ARID1A: variants seen among roughly 807,000 people sequenced by gnomAD.
ARID1A encodes the protein AT-rich interactive domain-containing protein 1A.
Under a neutral mutation model 212.6 loss-of-function variants are expected in ARID1A, and 20 were observed. The ratio of observed to expected loss-of-function variants is 0.09; its 90% CI spans 0.07 to 0.14. The LOEUF is 0.14. Ranked by LOEUF, ARID1A falls within the 10% of genes least tolerant of loss-of-function variation. The probability of loss-of-function intolerance (pLI) is 1.00; values close to 1 mark genes in which losing one functional copy is unlikely to be tolerated. For synonymous variants in ARID1A, 1,376 were observed against 1,222.1 expected, an observed-to-expected ratio of 1.13 and a Z score of -2.63; for missense variants, 2,587 against 3,059.0, an observed-to-expected ratio of 0.85 and a Z score of 3.64.
Position 26,774,462 on chromosome 1 carries a change from C to G in ARID1A, c.4235C>G (p.Pro1412Arg), listed in dbSNP as rs2081114727. The G allele has an allele frequency of 1.2e-6, 2 of 1,613,822 alleles. No homozygotes were observed. Among genetic ancestry groups the G allele is most frequent in the Non-Finnish European group, 1.7e-6 (2 of 1,179,860 alleles). The change falls in exon 18 of 20, where the codon CCT (proline) becomes CGT (arginine). Residue 1412 changes from proline to arginine, a missense_variant. Transcript: ENST00000324856. This position sits in a 1 kb window ranked among gnomAD's most constrained non-coding sequence, Gnocchi z 5.6. ...CAGTTGCCCCCAGCCCAGCCCCAGC[C>G]TGCCAGCCAGCAACAAGCTGCCCAG... is the stretch of plus-strand genomic sequence containing the variant. ...QQQLPPAQPQ[P>R]ASQQQAAQPS... is the part of the protein sequence containing the mutation.
intron 4 of ARID1A, among the ~76,000 whole-genome samples, chr1:26,757,240 C>T (rs2080948591): frequency 6.9e-6 from 1 of 144,816 alleles, no homozygotes; most frequent in East Asian, 2.1e-4. Flanking sequence ...AATGCTGAGG[C>T]GAGCGGATGG....
Position 26,775,677 on chromosome 1 carries a change from C to T in ARID1A, c.5094C>T (p.Asp1698=), listed in dbSNP as rs754255083. 23 of 1,614,208 alleles carry T rather than the reference C, an allele frequency of 1.4e-5. No homozygotes were observed. The South Asian group carries it at 2.4e-4, about 17-fold the overall frequency. The change falls in exon 19 of 20, where the codon GAC becomes GAT. Residue 1698 remains aspartate, a synonymous_variant. Transcript: ENST00000324856. ...LDTINILLYD[D]NSIMTFNLSQ... ...CCATCAACATCCTGCTGTATGATGA[C>T]AACAGCATCATGACCTTCAACCTCA...
At chr1:26,698,480 T>C (rs913196343) in intron 1 of ARID1A, among the ~76,000 whole-genome samples, 4 of 152,234 alleles carry the variant, frequency 2.6e-5, no homozygotes, top group African/African-American at 7.2e-5. Context: ...GTAGCAATAC[T>C]GTATCAGCAA....
At chr1:26,749,573 A>C (rs550954807) in intron 4 of ARID1A, among the ~76,000 whole-genome samples, 1 of 152,124 alleles carries the variant, frequency 6.6e-6, no homozygotes, top group South Asian at 2.1e-4. Flanking sequence ...TCTTCTCCCC[A>C]CCTTTTTACC....
Position 26,772,610 on chromosome 1 carries a change from A to G in ARID1A, c.3517A>G (p.Ile1173Val). 1 of 1,614,170 alleles carries G rather than the reference A, an allele frequency of 6.2e-7. No individual in the cohort carries two copies. Among genetic ancestry groups the G allele is most frequent in the East Asian group, 2.2e-5 (1 of 44,880 alleles). ...TCCAGCATCCACACCACACAGTCAG[A>G]TCCCCCCATTGCCAGGCATGAGGTA... Reference protein sequence around the residue: ...PTPASTPHSQIPPLPGMSRSN... With the variant: ...PTPASTPHSQVPPLPGMSRSN... Residue 1173 changes from isoleucine (I) to valine (V), a missense_variant, in exon 13 of 20, where the codon ATC (isoleucine) becomes GTC (valine). Ile to Val is a conservative substitution (Grantham distance 29, BLOSUM62 3). Around this residue, in one of 11 missense-constraint regions of ARID1A, gnomAD observed 890 missense variants for 1,098.2 expected, o/e 0.81. Coordinates refer to ENST00000324856, the MANE Select transcript of ARID1A (RefSeq NM_006015.6).
At chr1:26,754,673 C>G (rs1221758224) in intron 4 of ARID1A, among the ~76,000 whole-genome samples, 2 of 152,218 alleles carry the variant, frequency 1.3e-5, no homozygotes, top group African/African-American at 2.4e-5. Flanking sequence ...CCTTTCTCCT[C>G]AGTTCATATA....
chr1:26,730,889 C>G (rs1223163648), intron 2 of ARID1A, among the ~76,000 whole-genome samples: 1 of 152,184 alleles, frequency 6.6e-6, no homozygotes, highest in Non-Finnish European at 1.5e-5. Flanking sequence ...TGCTCTCAAA[C>G]TTATGTTGCC....
intron 12 of ARID1A, chr1:26,772,241 C>CA (rs895434377): frequency 5.0e-5 from 25 of 498,026 alleles, no homozygotes; most frequent in Non-Finnish European, 8.3e-5. Context: ...GGCAATGACT[C>CA]AGGGAATCAC....
At position 26,772,947 on chromosome 1, in the gene ARID1A, C is replaced by T. The variant is rs2081096764; in HGVS notation, c.3675C>T (p.Ser1225=). ...CCTCTGACATGATGGGGCGCATGTCCTATGAGCCAAATAAGGATCCTTATG... is the reference window on the plus strand; with the variant it reads ...CCTCTGACATGATGGGGCGCATGTCTTATGAGCCAAATAAGGATCCTTATG... The part of the protein sequence containing the change: ...MNTSDMMGRM[S]YEPNKDPYGS... The change falls in exon 14 of 20, where the codon TCC becomes TCT. Residue 1225 remains serine, a synonymous_variant. Transcript: ENST00000324856. The T allele has an allele frequency of 1.2e-6, 2 of 1,613,644 alleles. No homozygotes were observed. The highest frequency in any genetic ancestry group is 1.7e-6 in the Non-Finnish European group (2 of 1,179,686).
intron 17 of ARID1A, 39 bp downstream of exon 17, chr1:26,773,937 C>T (rs753485261): frequency 1.3e-5 from 21 of 1,596,268 alleles, no homozygotes; most frequent in East Asian, 8.9e-5. Context: ...CATGCAGGTT[C>T]GCCTTGAAAA....
At chr1:26,746,666 G>C (rs1335015462) in intron 4 of ARID1A, among the ~76,000 whole-genome samples, 1 of 152,144 alleles carries the variant, frequency 6.6e-6, no homozygotes, top group East Asian at 1.9e-4. Context: ...GGCCGAGGTA[G>C]GTGGATCACA....
At chr1:26,773,243 C>G in intron 14 of ARID1A, 103 bp from the exon 15 acceptor site, 2 of 1,449,306 alleles carry the variant, frequency 1.4e-6, no homozygotes, top group Non-Finnish European at 1.9e-6. Flanking sequence ...GTCTGGAAAA[C>G]AATGAGATCA....
At chr1:26,702,056 G>A (rs929647758) in intron 1 of ARID1A, among the ~76,000 whole-genome samples, 3 of 152,158 alleles carry the variant, frequency 2.0e-5, no homozygotes, top group African/African-American at 7.2e-5. Flanking sequence ...TTGGGGAGGG[G>A]TAGGGAGAGA....
Position 26,774,936 on chromosome 1 carries a change from C to G in ARID1A, c.4709C>G (p.Ser1570Cys), listed in dbSNP as rs2124121687. 1 of 1,026,592 alleles carries G rather than the reference C, an allele frequency of 9.7e-7. No individual in the cohort carries two copies. The highest frequency in any genetic ancestry group is 1.3e-6 in the Non-Finnish European group (1 of 747,558). The allele number at this position is 1,026,592 out of a possible 1,614,324, so 63.6% of individuals were successfully genotyped here. ...PVPPMTRPPP[S>C]NYQPPPSMQN... ...CCCCCCATGACAAGGCCCCCTCCATCTAACTACCAGCCCCCACCAAGCATG... is the reference window on the plus strand; with the variant it reads ...CCCCCCATGACAAGGCCCCCTCCATGTAACTACCAGCCCCCACCAAGCATG... The change falls in exon 18 of 20, where the codon TCT becomes TGT. Residue 1570 changes from serine (S) to cysteine (C), a missense_variant. Transcript: ENST00000324856. The surrounding 1 kb of genome is among the most constrained non-coding windows in gnomAD (Gnocchi z 5.6).
rs2080253801 is a variant in ARID1A at position 26,696,450 on chromosome 1, C to T, written c.47C>T (p.Pro16Leu). 8.1e-7 allele frequency: 1 copy of T among 1,233,272 alleles called. No homozygotes were observed. The highest frequency in any genetic ancestry group is 3.5e-5 in the East Asian group (1 of 28,600). 76.4% of individuals were successfully genotyped at this position (1,233,272 alleles called of 1,614,324 possible). ...GCCGCCGCCAGCAGCCTGGGCAACCCGCCGCCGCCGCCGCCCTCGGAGCTG... is the reference window on the plus strand; with the variant it reads ...GCCGCCGCCAGCAGCCTGGGCAACCTGCCGCCGCCGCCGCCCTCGGAGCTG... ...APAAASSLGN[P>L]PPPPPSELKK... is the part of the protein sequence containing the mutation. Residue 16 changes from proline (P) to leucine (L), a missense_variant, in exon 1 of 20, where the codon CCG becomes CTG. Pro to Leu is a moderately conservative substitution (Grantham distance 98). Transcript: ENST00000324856.
rs2124790599 is a variant in ARID1A at position 26,731,604 on chromosome 1, G to A, written c.1803G>A (p.Gln601=). 6.2e-7 allele frequency: 1 copy of A among 1,613,024 alleles called. No individual in the cohort carries two copies. The highest frequency in any genetic ancestry group is 1.1e-5 in the South Asian group (1 of 91,042). Residue 601 remains glutamine, a splice_region_variant and synonymous_variant, in exon 3 of 20, where the codon CAG becomes CAA. Transcript: ENST00000324856. ...AYSQQRFPPP[Q]ELSQDSFGSQ... is the part of the protein sequence containing the mutation. ...CCCAGCAGCGCTTCCCTCCACCGCA[G>A]GTAAGATATCCCTGCCTCCTGCCCT...
At chr1:26,776,041 G>A (rs1352639188) in intron 19 of ARID1A, 15 of 397,684 alleles carry the variant, frequency 3.8e-5, no homozygotes, top group African/African-American at 6.2e-5. Context: ...TAATAGAGAC[G>A]AGGTCTCACT....
intron 1 of ARID1A, among the ~76,000 whole-genome samples, chr1:26,704,853 T>C (rs2080373043): frequency 6.6e-6 from 1 of 150,582 alleles, no homozygotes. Flanking sequence ...AGCCAAGACC[T>C]TGTCTCAAAA....
In ARID1A at chr1:26,771,528, T is replaced by G. The variant is rs968331694; in HGVS notation, c.3406+202T>G. On this transcript the variant is annotated intron_variant, in intron 12 of 19. Coordinates refer to ENST00000324856, the MANE Select transcript of ARID1A (RefSeq NM_006015.6). This position sits in a 1 kb window ranked among gnomAD's most constrained non-coding sequence, Gnocchi z 5.4. ...TTGGGAGGTACTCTACGGCAGCTCT[T>G]AAGTTTTAATTTTTGTTGTGCAGCT... 22 of 594,178 alleles carry G rather than the reference T, an allele frequency of 3.7e-5. No homozygotes were observed. Among genetic ancestry groups the G allele is most frequent in the East Asian group, 3.4e-4 (12 of 35,358 alleles). The allele number at this position is 594,178 out of a possible 1,614,324, so 36.8% of individuals were successfully genotyped here. A position where few individuals can be genotyped will look rare whatever the true frequency, so the allele number is the denominator to read the frequency against.
Sources: gnomAD v4.1 joint callset for allele counts (sites outside exome capture counted in the v4.1 genomes callset) on GRCh38, gnomAD v4.1.1 for gene constraint, gnomAD v4.1.1 regional missense constraint, Gnocchi (gnomAD v3.1) non-coding constraint, MANE v1.5 for transcripts, NCBI Gene and HGNC (gene_info 2026-07-23, HGNC 2026-07-21) for gene names.